GARNL3: variants seen among roughly 807,000 people sequenced by gnomAD.
GARNL3 encodes GTPase activating Rap/RanGAP domain like 3, also known as GTPase-activating Rap/Ran-GAP domain-like protein 3.
GARNL3 carries 63 observed loss-of-function variants against 125.0 expected under a neutral mutation model. The observed-to-expected ratio is 0.50, with a 90% CI of 0.41 to 0.62. The LOEUF (loss-of-function observed/expected upper bound fraction) is 0.62, where lower values mean the gene tolerates loss of function less well. Ranked by LOEUF, GARNL3 falls within the 20% of genes least tolerant of loss-of-function variation. The pLI is 0.00. For synonymous variants in GARNL3, 439 were observed against 457.5 expected, an observed-to-expected ratio of 0.96 and a Z score of 0.52; for missense variants, 994 against 1,244.0, an observed-to-expected ratio of 0.80 and a Z score of 3.02.
At chr9:127,234,419 C>T (rs749540926) in intron 1 of GARNL3, among the ~76,000 whole-genome samples, 8 of 152,140 alleles carry the variant, frequency 5.3e-5, no homozygotes, top group Non-Finnish European at 1.0e-4. Flanking sequence ...GTGAGACTCA[C>T]GGCTGGTTTT....
At chr9:127,318,158 T>C (rs754177923) in intron 5 of GARNL3, 31 bp downstream of exon 5, 2 of 1,327,026 alleles carry the variant, frequency 1.5e-6, no homozygotes, top group South Asian at 2.3e-5. Context: ...ACCCCACACA[T>C]GGATTTGGAG....
intron 2 of GARNL3, among the ~76,000 whole-genome samples, chr9:127,301,176 G>T (rs1208090754): frequency 6.6e-6 from 1 of 152,058 alleles, no homozygotes; most frequent in African/African-American, 2.4e-5. Context: ...CATCCTTATT[G>T]CTGTTCCTTG....
chr9:127,341,848 T>C (rs919140216), intron 13 of GARNL3, among the ~76,000 whole-genome samples: 1 of 151,794 alleles, frequency 6.6e-6, no homozygotes, highest in Non-Finnish European at 1.5e-5. Context: ...AGGCTCAAGG[T>C]GATGGAGAGG....
At chr9:127,249,861 T>C (rs2063369254) in intron 2 of GARNL3, among the ~76,000 whole-genome samples, 1 of 151,856 alleles carries the variant, frequency 6.6e-6, no homozygotes, top group African/African-American at 2.4e-5. Flanking sequence ...TACAAAAAAT[T>C]AGCCAGATGT....
At chr9:127,329,930 C>T (rs1006876874) in intron 7 of GARNL3, among the ~76,000 whole-genome samples, 6 of 152,158 alleles carry the variant, frequency 3.9e-5, no homozygotes, top group African/African-American at 1.4e-4. Flanking sequence ...CCTAGTCCTT[C>T]TTGCTAGCTG....
chr9:127,359,421 C>T (rs1269967474), intron 21 of GARNL3, among the ~76,000 whole-genome samples: 5 of 151,982 alleles, frequency 3.3e-5, no homozygotes, highest in Admixed American at 6.6e-5. Flanking sequence ...AGCCAGGAGG[C>T]GGAGGTTGCA....
At chr9:127,335,442 G>A in intron 10 of GARNL3, 109 bp downstream of exon 10, 1 of 864,786 alleles carries the variant, frequency 1.2e-6, no homozygotes, top group Non-Finnish European at 1.9e-6. Flanking sequence ...GCTGAGCTGT[G>A]GCCACCAATT....
At chr9:127,240,077 G>A (rs1263725017) in intron 1 of GARNL3, among the ~76,000 whole-genome samples, 1 of 152,196 alleles carries the variant, frequency 6.6e-6, no homozygotes, top group Admixed American at 6.5e-5. Flanking sequence ...AGAAAGATGT[G>A]TAAGACCTCT....
chr9:127,235,857 G>A (rs900783507), intron 1 of GARNL3, among the ~76,000 whole-genome samples: 4 of 152,144 alleles, frequency 2.6e-5, no homozygotes, highest in Admixed American at 1.3e-4. Flanking sequence ...TGGAAACAAC[G>A]ACTACAGTCA....
At chr9:127,246,931 C>CT (rs35410163) in intron 2 of GARNL3, among the ~76,000 whole-genome samples, 45,292 of 99,594 alleles carry the variant, frequency 0.45, 12,081 homozygotes, top group South Asian at 0.65. Flanking sequence ...GACCTTCCTT[C>CT]TTTTTTTTTT....
At chr9:127,342,358 T>C in intron 14 of GARNL3, 24 bp downstream of exon 14, 2 of 1,461,472 alleles carry the variant, frequency 1.4e-6, no homozygotes, top group Non-Finnish European at 1.9e-6. Flanking sequence ...CATGGTCTTC[T>C]TTCCTTCTTA....
At chr9:127,360,225 G>A (rs533586049) in intron 21 of GARNL3, among the ~76,000 whole-genome samples, 1 of 152,210 alleles carries the variant, frequency 6.6e-6, no homozygotes. Context: ...GTTTCACCAT[G>A]TTGGCCAGGA....
chr9:127,335,088 G>C, intron 9 of GARNL3, 142 bp from the exon 10 acceptor site: 1 of 627,652 alleles, frequency 1.6e-6, no homozygotes, highest in Non-Finnish European at 2.8e-6. Flanking sequence ...TCAAGTGGAG[G>C]GTTGTTGCTT....
At chr9:127,243,395 C>A in intron 2 of GARNL3, 1 of 518,806 alleles carries the variant, frequency 1.9e-6, no homozygotes, top group Non-Finnish European at 3.1e-6. Flanking sequence ...TGGGAGACTG[C>A]ATTTCTGTTC....
chr9:127,378,603 A>C (rs1832069566), intron 22 of GARNL3, among the ~76,000 whole-genome samples: 2 of 151,186 alleles, frequency 1.3e-5, no homozygotes, highest in African/African-American at 4.9e-5. Flanking sequence ...AAAAAAAAAA[A>C]AACAGATAAA....
At chr9:127,282,902 A>G (rs960971049) in intron 1 of GARNL3, among the ~76,000 whole-genome samples, 2 of 152,232 alleles carry the variant, frequency 1.3e-5, no homozygotes, top group African/African-American at 4.8e-5. Context: ...ATTGCCTACA[A>G]TTTGAAACTA....
At chr9:127,312,655 T>C (rs1243922259) in intron 3 of GARNL3, among the ~76,000 whole-genome samples, 2 of 152,334 alleles carry the variant, frequency 1.3e-5, no homozygotes, top group East Asian at 3.9e-4. Context: ...GATATGATGC[T>C]TGAATGATGA....
intron 11 of GARNL3, among the ~76,000 whole-genome samples, chr9:127,337,408 C>T (rs1829614867): frequency 6.6e-6 from 1 of 152,072 alleles, no homozygotes; most frequent in Admixed American, 6.6e-5. Context: ...AAGGGGCAAG[C>T]AGATCATTAA....
intron 1 of GARNL3, among the ~76,000 whole-genome samples, chr9:127,276,431 C>T (rs2063959361): frequency 6.6e-6 from 1 of 150,910 alleles, no homozygotes; most frequent in Non-Finnish European, 1.5e-5. Context: ...AATTTTGGTG[C>T]TCTTCTAGAT....
Sources: gnomAD v4.1 joint callset for allele counts (sites outside exome capture counted in the v4.1 genomes callset) on GRCh38, gnomAD v4.1.1 for gene constraint, MANE v1.5 for transcripts, NCBI Gene and HGNC (gene_info 2026-07-23, HGNC 2026-07-21) for gene names.